The following PIGU variants were observed in gnomAD, a reference collection of about 807,000 sequenced individuals.
PIGU encodes the protein GPI-anchor transamidase component PIGU.
In PIGU, 24 loss-of-function variants were observed where a neutral mutation model predicts 49.9. That is an observed-to-expected ratio of 0.48 (90% confidence interval 0.35 to 0.68). The LOEUF (loss-of-function observed/expected upper bound fraction) is 0.68. PIGU is among the 30% of genes least tolerant of loss of function. PIGU has a pLI of 0.01. For missense variants in PIGU, 490 were observed against 532.6 expected, an observed-to-expected ratio of 0.92 and a Z score of 0.79; for synonymous variants, 220 against 205.7, an observed-to-expected ratio of 1.07 and a Z score of -0.59.
intron 7 of PIGU, among the ~76,000 whole-genome samples, chr20:34,612,396 CTAATGCATGTGGGGCT>C (rs1984848974): frequency 6.6e-6 from 1 of 152,026 alleles, no homozygotes; most frequent in African/African-American, 2.4e-5. Context: ...GGACAAATAC[CTAATGCATGTGGGGCT>C]TAAAACCTAG....
Position 34,668,271 on chromosome 20 carries a change from T to C in PIGU, c.130+8685A>G, listed in dbSNP as rs574504422. Among the ~76,000 whole-genome samples, 7 of 152,008 alleles carry C rather than the reference T, an allele frequency of 4.6e-5. No homozygotes were observed. The South Asian group carries it at 1.5e-3, about 32-fold the overall frequency. On this transcript the variant is annotated intron_variant, in intron 1 of 11. Transcript: ENST00000217446. The stretch of plus-strand genomic sequence containing the variant: ...TGAGGTCAGGAATTCGATACCAGCC[T>C]GGCCAGCATGGTGAAACCCCGTATC...
chr20:34,667,927 G>A (rs752052756), intron 1 of PIGU, among the ~76,000 whole-genome samples: 4 of 152,096 alleles, frequency 2.6e-5, no homozygotes, highest in Non-Finnish European at 5.9e-5. Flanking sequence ...GACATCACCA[G>A]TATTAGGGCA....
At position 34,676,956 on chromosome 20, in the gene PIGU, C is replaced by A; in HGVS notation, c.130G>T (p.Val44Leu). The A allele has an allele frequency of 6.4e-7, 1 of 1,569,816 alleles. No homozygotes were observed. Among genetic ancestry groups the A allele is most frequent in the Non-Finnish European group, 8.6e-7 (1 of 1,158,466 alleles). ...AGTCTGCTCGAGCCAGTGGCCTCAC[C>A]TCTCTTCCAAGAGCTCAGTGGGGAC... ...VVSPLSSWKR[V>L]VEGLSLLDLG... Residue 44 changes from valine to leucine, a missense_variant and splice_region_variant, in exon 1 of 12, where the codon GTG becomes TTG. By Grantham distance (32) the Val-to-Leu change is conservative (BLOSUM62 1). Coordinates refer to ENST00000217446, the MANE Select transcript of PIGU (RefSeq NM_080476.5).
chr20:34,612,341 C>T (rs1294634322), intron 7 of PIGU, among the ~76,000 whole-genome samples: 1 of 152,048 alleles, frequency 6.6e-6, no homozygotes, highest in Non-Finnish European at 1.5e-5. Flanking sequence ...ACATCACACA[C>T]TGGGGCCTGT....
At chr20:34,568,605 T>C (rs1239483482) in intron 11 of PIGU, among the ~76,000 whole-genome samples, 1 of 152,116 alleles carries the variant, frequency 6.6e-6, no homozygotes, top group Admixed American at 6.6e-5. Context: ...CTCCAAGCAT[T>C]TCCTCATAGG....
intron 4 of PIGU, chr20:34,643,947 G>A (rs1404931194): frequency 3.0e-5 from 12 of 406,100 alleles, no homozygotes; most frequent in Non-Finnish European, 4.7e-5. Context: ...TTATTAATAA[G>A]CTACATAGAT....
chr20:34,593,984 C>A lies in PIGU; in HGVS notation c.628-5377G>T, dbSNP rs541213703. Among the ~76,000 whole-genome samples, 6 of 152,200 alleles carry A rather than the reference C, an allele frequency of 3.9e-5. No individual in the cohort carries two copies. In the South Asian group the frequency reaches 1.2e-3, roughly 32 times the overall value. ...TTGAGTCCAGGAGTTCAAGACCAGC[C>A]TGGGCAACATAGAGAAACCCTATCT... On this transcript the variant is annotated intron_variant, in intron 7 of 11. Coordinates refer to ENST00000217446, the MANE Select transcript of PIGU (RefSeq NM_080476.5).
chr20:34,569,558 G>T (rs1982920233), intron 11 of PIGU, among the ~76,000 whole-genome samples: 1 of 152,144 alleles, frequency 6.6e-6, no homozygotes, highest in African/African-American at 2.4e-5. Context: ...AAAAAGGAAG[G>T]GCAGGCAGAC....
chr20:34,661,499 T>A (rs1685782929), intron 1 of PIGU, among the ~76,000 whole-genome samples: 1 of 152,168 alleles, frequency 6.6e-6, no homozygotes, highest in Non-Finnish European at 1.5e-5. Context: ...TTGCTTAGGA[T>A]AATGTCTCCA....
chr20:34,630,530 G>A (rs576425637), intron 6 of PIGU, among the ~76,000 whole-genome samples: 18 of 152,218 alleles, frequency 1.2e-4, no homozygotes, highest in Non-Finnish European at 2.5e-4. Context: ...AAATGCCCCC[G>A]ACCCAAAGAA....
At chr20:34,657,732 G>T (rs1368754965) in intron 1 of PIGU, among the ~76,000 whole-genome samples, 2 of 152,082 alleles carry the variant, frequency 1.3e-5, no homozygotes, top group Non-Finnish European at 2.9e-5. Context: ...TCTTAGGGCA[G>T]TTTATCCTAT....
At chr20:34,622,089 C>T (rs886082854) in intron 6 of PIGU, among the ~76,000 whole-genome samples, 2 of 152,132 alleles carry the variant, frequency 1.3e-5, no homozygotes, top group African/African-American at 2.4e-5. Context: ...AAAGAGAACA[C>T]AAAAGGGGCT....
chr20:34,673,998 A>T (rs1987402220), intron 1 of PIGU, among the ~76,000 whole-genome samples: 1 of 152,106 alleles, frequency 6.6e-6, no homozygotes, highest in Non-Finnish European at 1.5e-5. Context: ...GGTTGCAGTG[A>T]GCCAAGATCA....
At chr20:34,667,709 G>C (rs1987146921) in intron 1 of PIGU, among the ~76,000 whole-genome samples, 1 of 152,082 alleles carries the variant, frequency 6.6e-6, no homozygotes, top group Non-Finnish European at 1.5e-5. Context: ...GAGAGAAACA[G>C]AAAAGTCACC....
In PIGU at chr20:34,578,799, C is replaced by T. The variant is rs570621626; in HGVS notation, c.1051+2749G>A. The stretch of plus-strand genomic sequence containing the variant: ...CAGATGGAGCTGGAGACCTGGGGTA[C>T]GGGACAGCTTGTTCCAGGCATCAGA... On this transcript the variant is annotated intron_variant, in intron 10 of 11. Coordinates refer to ENST00000217446, the MANE Select transcript of PIGU (RefSeq NM_080476.5). Among the ~76,000 whole-genome samples, 30 of 152,234 alleles carry T rather than the reference C, an allele frequency of 2.0e-4. No individual in the cohort carries two copies. In the South Asian group the frequency reaches 5.8e-3, roughly 30 times the overall value.
At chr20:34,575,495 A>T (rs1451768327) in intron 10 of PIGU, among the ~76,000 whole-genome samples, 1 of 152,210 alleles carries the variant, frequency 6.6e-6, no homozygotes, top group East Asian at 1.9e-4. Context: ...GGCTGGCTGA[A>T]GACCAGCTAT....
chr20:34,660,929 G>C (rs1418631031), intron 1 of PIGU, among the ~76,000 whole-genome samples: 1 of 152,108 alleles, frequency 6.6e-6, no homozygotes, highest in Admixed American at 6.6e-5. Context: ...TCTGGTTTAG[G>C]TCATTGCACT....
At chr20:34,605,713 T>C (rs1422625025) in intron 7 of PIGU, among the ~76,000 whole-genome samples, 1 of 152,196 alleles carries the variant, frequency 6.6e-6, no homozygotes, top group Non-Finnish European at 1.5e-5. Context: ...TATTTCCCTC[T>C]TTTTTATTAT....
rs150900585 is a variant in PIGU, at chr20:34,640,553, A to T, written c.319-2568T>A. 8.2e-3 allele frequency among the ~76,000 whole-genome samples: 1,237 copies of T among 151,654 alleles called. 25 individuals carry two copies. The highest frequency in any genetic ancestry group is 0.029 in the African/African-American group (1,197 of 41,324). On this transcript the variant is annotated intron_variant, in intron 4 of 11. Transcript: ENST00000217446. ...CACACACACCCCTTAAGAAAATATA[A>T]GTATAAAATGAAGTTAGGGTATATA...
Sources: allele counts gnomAD v4.1 joint callset (sites outside exome capture counted in the v4.1 genomes callset), GRCh38; gene constraint gnomAD v4.1.1; transcripts MANE v1.5; gene names NCBI Gene and HGNC (gene_info 2026-07-23, HGNC 2026-07-21).